KIF13A: variants seen among roughly 807,000 people sequenced by gnomAD.
The protein encoded by KIF13A is kinesin family member 13A.
KIF13A carries 79 observed loss-of-function variants against 212.2 expected under a neutral mutation model. The observed-to-expected ratio is 0.37, with a 90% confidence interval of 0.31 to 0.45. KIF13A has a LOEUF of 0.45. KIF13A is among the 20% of genes least tolerant of loss of function. The probability of loss-of-function intolerance (pLI) is 1.00; values close to 1 mark genes in which losing one functional copy is unlikely to be tolerated. For synonymous variants in KIF13A, 789 were observed against 808.6 expected (o/e 0.98, Z 0.41); for missense variants, 1,901 against 2,209.0 (o/e 0.86, Z 2.79).
At chr6:17,964,135 A>G (rs9800729) in intron 2 of KIF13A, among the ~76,000 whole-genome samples, 3 of 152,118 alleles carry the variant, frequency 2.0e-5, no homozygotes, top group Non-Finnish European at 4.4e-5. Context: ...CCACACCCAC[A>G]CACACCCACA....
chr6:17,797,924 T>A (rs1762182070), intron 22 of KIF13A, among the ~76,000 whole-genome samples: 2 of 151,812 alleles, frequency 1.3e-5, no homozygotes, highest in African/African-American at 4.8e-5. Context: ...CCCAAACAGA[T>A]GATTGTGAGG....
rs532199911 is a variant in KIF13A, at chr6:17,846,300, C to T, written c.830+3077G>A. 3.9e-5 allele frequency among the ~76,000 whole-genome samples: 6 copies of T among 151,952 alleles called. No individual in the cohort carries two copies. The South Asian group carries it at 6.2e-4, about 16-fold the overall frequency. ...CTGGGATTTTATTTATGTTATTCAA[C>T]GTCTCTAAGCATCAGTCCTTTCCTC... On this transcript the variant is annotated intron_variant, in intron 9 of 38. Transcript: ENST00000259711.
In KIF13A at chr6:17,773,765, G is replaced by A. The variant is rs1210615892; in HGVS notation, c.4219-182C>T. Reference sequence around the variant, plus strand: ...CGTAAAAAATACTGTCATATCCAAGGTATACCCGGAGTGAATACATGTTAA... The same window carrying A: ...CGTAAAAAATACTGTCATATCCAAGATATACCCGGAGTGAATACATGTTAA... On this transcript the variant is annotated intron_variant, in intron 35 of 38. Coordinates refer to ENST00000259711, the MANE Select transcript of KIF13A (RefSeq NM_022113.6). This position sits in a 1 kb window ranked among gnomAD's most constrained non-coding sequence, Gnocchi z 4.2. Among the ~76,000 whole-genome samples, 15 of 151,936 alleles carry A rather than the reference G, an allele frequency of 9.9e-5. No homozygotes were observed. The highest frequency in any genetic ancestry group is 9.8e-4 in the Admixed American group (15 of 15,248).
Position 17,982,021 on chromosome 6 carries a change from T to C in KIF13A, c.146+5033A>G, listed in dbSNP as rs1781133240. 6.6e-6 allele frequency among the ~76,000 whole-genome samples: 1 copy of C among 152,178 alleles called. No homozygotes were observed. The highest frequency in any genetic ancestry group is 2.1e-4 in the South Asian group (1 of 4,834). ...ACTGAATAGCCCTTATCTAAAATGCTTGGGACCAGAAGTGTTTTGGATTTT... is the reference window on the plus strand; with the variant it reads ...ACTGAATAGCCCTTATCTAAAATGCCTGGGACCAGAAGTGTTTTGGATTTT... On this transcript the variant is annotated intron_variant, in intron 2 of 38. Coordinates refer to ENST00000259711, the MANE Select transcript of KIF13A (RefSeq NM_022113.6). This position sits in a 1 kb window ranked among gnomAD's most constrained non-coding sequence, Gnocchi z 5.1.
chr6:17,879,565 C>T (rs1191281111), intron 3 of KIF13A, among the ~76,000 whole-genome samples: 1 of 152,092 alleles, frequency 6.6e-6, no homozygotes, highest in Non-Finnish European at 1.5e-5. Flanking sequence ...CATCATTATT[C>T]CATGGTTCAG....
rs1764976399 is a variant in KIF13A at position 17,826,576 on chromosome 6, CAGAG to C, written c.1533-456_1533-453del. Among the ~76,000 whole-genome samples the C allele has an allele frequency of 6.6e-6, 1 of 151,900 alleles. No individual in the cohort carries two copies. The highest frequency in any genetic ancestry group is 2.4e-5 in the African/African-American group (1 of 41,344). On this transcript the variant is annotated intron_variant, in intron 14 of 38. Coordinates refer to ENST00000259711, the MANE Select transcript of KIF13A (RefSeq NM_022113.6). This position sits in a 1 kb window ranked among gnomAD's most constrained non-coding sequence, Gnocchi z 4.7. ...AAATGCAAGGAAGAAGAGAGAGAGG[CAGAG>C]AGAGACAGGGATAAACAGACACACA...
At chr6:17,840,318 A>T (rs537568439) in intron 9 of KIF13A, among the ~76,000 whole-genome samples, 1 of 152,328 alleles carries the variant, frequency 6.6e-6, no homozygotes, top group African/African-American at 2.4e-5. Context: ...ACTGTATGTG[A>T]TAATAGAGGC....
chr6:17,944,290 G>C (rs886598506), intron 2 of KIF13A, among the ~76,000 whole-genome samples: 3 of 152,130 alleles, frequency 2.0e-5, no homozygotes, highest in Admixed American at 6.5e-5. Context: ...ACACACTCAA[G>C]TTCTTATAGA....
intron 3 of KIF13A, among the ~76,000 whole-genome samples, chr6:17,889,468 A>G (rs2150466677): frequency 6.6e-6 from 1 of 152,332 alleles, no homozygotes; most frequent in South Asian, 2.1e-4. Flanking sequence ...GATACTAAAC[A>G]AAACAATTGT....
At chr6:17,819,996 T>G (rs1260763140) in intron 16 of KIF13A, among the ~76,000 whole-genome samples, 2 of 152,028 alleles carry the variant, frequency 1.3e-5, no homozygotes, top group Non-Finnish European at 2.9e-5. Context: ...TAAAACTGCA[T>G]TATAGGGTTT....
At chr6:17,903,996 TAA>T (rs112257911) in intron 2 of KIF13A, among the ~76,000 whole-genome samples, 2 of 140,458 alleles carry the variant, frequency 1.4e-5, no homozygotes, top group African/African-American at 5.2e-5. Flanking sequence ...TTACTAAAAA[TAA>T]AAAAAAAAAG....
Position 17,828,643 on chromosome 6 carries a change from T to C in KIF13A, c.1402-273A>G, listed in dbSNP as rs1765176660. Among the ~76,000 whole-genome samples, 1 of 152,188 alleles carries C rather than the reference T, an allele frequency of 6.6e-6. No individual in the cohort carries two copies. The highest frequency in any genetic ancestry group is 1.5e-5 in the Non-Finnish European group (1 of 68,036). ...CAGGAAATTGGACTTGACAGTAGAA[T>C]ACTTTGAGTTTCAATTGTGACTTGA... On this transcript the variant is annotated intron_variant, in intron 13 of 38. Transcript: ENST00000259711. This position sits in a 1 kb window ranked among gnomAD's most constrained non-coding sequence, Gnocchi z 4.3.
rs377464335 is a variant in KIF13A at position 17,926,649 on chromosome 6, G to A, written c.147-28469C>T. Reference sequence around the variant, plus strand: ...ATTATATACTCACTGGAAAAGCATCGGACTAATAAGAAGGAGACTGAAATT... The same window carrying A: ...ATTATATACTCACTGGAAAAGCATCAGACTAATAAGAAGGAGACTGAAATT... On this transcript the variant is annotated intron_variant, in intron 2 of 38. Transcript: ENST00000259711. This position sits in a 1 kb window ranked among gnomAD's most constrained non-coding sequence, Gnocchi z 4.3. 0.012 allele frequency among the ~76,000 whole-genome samples: 875 copies of A among 72,086 alleles called. 13 individuals are homozygous for A. The highest frequency in any genetic ancestry group is 0.031 in the African/African-American group (809 of 26,086). The allele number at this position is 72,086 out of a possible 152,430, so 47.3% of individuals were successfully genotyped here. A position where few individuals can be genotyped will look rare whatever the true frequency, so the allele number is the denominator to read the frequency against.
chr6:17,884,581 G>C (rs144801654), intron 3 of KIF13A, among the ~76,000 whole-genome samples: 1 of 152,336 alleles, frequency 6.6e-6, no homozygotes, highest in East Asian at 1.9e-4. Flanking sequence ...AGTTGCTACA[G>C]ACTGTTTGGT....
intron 3 of KIF13A, among the ~76,000 whole-genome samples, chr6:17,879,980 A>G (rs1026421547): frequency 6.6e-6 from 1 of 152,086 alleles, no homozygotes; most frequent in Non-Finnish European, 1.5e-5. Flanking sequence ...TAAAAACTTT[A>G]TTTTAGAGAG....
At position 17,828,375 on chromosome 6, in the gene KIF13A, T is replaced by C; in HGVS notation, c.1402-5A>G. The C allele has an allele frequency of 6.2e-7, 1 of 1,601,734 alleles. No individual in the cohort carries two copies. Among genetic ancestry groups the C allele is most frequent in the Non-Finnish European group, 8.5e-7 (1 of 1,175,788 alleles). On this transcript the variant is annotated splice_polypyrimidine_tract_variant and splice_region_variant and intron_variant, in intron 13 of 38. Coordinates refer to ENST00000259711, the MANE Select transcript of KIF13A (RefSeq NM_022113.6). This position sits in a 1 kb window ranked among gnomAD's most constrained non-coding sequence, Gnocchi z 4.3. ...TGCACCCACCCTGGTGTGATCCTAG[T>C]AAAAGATTATTAAGGAAAGAAAAAC...
chr6:17,854,155 T>C (rs1026240570), intron 6 of KIF13A, among the ~76,000 whole-genome samples: 1 of 152,230 alleles, frequency 6.6e-6, no homozygotes, highest in South Asian at 2.1e-4. Flanking sequence ...GTTATTATTA[T>C]TGAGATGCAG....
intron 20 of KIF13A, among the ~76,000 whole-genome samples, chr6:17,801,843 T>C (rs558802991): frequency 1.3e-5 from 2 of 152,278 alleles, no homozygotes; most frequent in African/African-American, 2.4e-5. Context: ...CACACAGATA[T>C]GAGGAATGTT....
In KIF13A at chr6:17,809,881, G is replaced by C. The variant is rs1763286516; in HGVS notation, c.2001-951C>G. 6.6e-6 allele frequency among the ~76,000 whole-genome samples: 1 copy of C among 152,156 alleles called. No homozygotes were observed. Among genetic ancestry groups the C allele is most frequent in the Non-Finnish European group, 1.5e-5 (1 of 68,042 alleles). On this transcript the variant is annotated intron_variant, in intron 17 of 38. Transcript: ENST00000259711. The surrounding 1 kb of genome is among the most constrained non-coding windows in gnomAD (Gnocchi z 4.7). ...ACTCCTCACTCGTCACCTTAGAAAT[G>C]ACAGAAGACGCATGCTGTGCGGATG...
Sources: gnomAD v4.1 joint callset for allele counts (sites outside exome capture counted in the v4.1 genomes callset) on GRCh38, gnomAD v4.1.1 for gene constraint, Gnocchi (gnomAD v3.1) non-coding constraint, MANE v1.5 for transcripts, NCBI Gene and HGNC (gene_info 2026-07-23, HGNC 2026-07-21) for gene names.